Variants in ITCH observed in about 807,000 individuals in gnomAD.
ITCH encodes the protein E3 ubiquitin-protein ligase Itchy homolog.
ITCH carries 28 observed loss-of-function variants against 126.8 expected under a neutral mutation model. That is an observed-to-expected ratio of 0.22 (90% confidence interval 0.16 to 0.30). The LOEUF is 0.30. Among genes scored for constraint, ITCH ranks in the 10% least tolerant of loss-of-function variants. ITCH has a pLI of 1.00. For synonymous variants in ITCH, 342 were observed against 340.0 expected (o/e 1.01, Z -0.06); for missense variants, 631 against 1,032.4 (o/e 0.61, Z 5.33).
intron 11 of ITCH, 88 bp downstream of exon 11, chr20:34,445,549 GT>G: frequency 4.5e-6 from 6 of 1,338,752 alleles, no homozygotes; most frequent in Non-Finnish European, 6.4e-6. Flanking sequence ...TAAAAAGAAG[GT>G]GCAAGTAGCA....
Position 34,489,836 on chromosome 20 carries a change from A to C in ITCH, c.2229A>C (p.Gly743=). The change falls in exon 22 of 25, where the codon GGA becomes GGC. Residue 743 remains glycine (G), a synonymous_variant. Transcript: ENST00000374864. ...CATCCCTAAAGGTCCTTTTATGTGG[A>C]ATGCAAGAGATTGATTTGAATGACT... is the stretch of plus-strand genomic sequence containing the variant. ...DAKELEVLLC[G]MQEIDLNDWQ... 6.2e-7 allele frequency: 1 copy of C among 1,613,054 alleles called. No homozygotes were observed. Among genetic ancestry groups the C allele is most frequent in the Non-Finnish European group, 8.5e-7 (1 of 1,179,062 alleles).
At position 34,508,048 on chromosome 20, in the gene ITCH, T is replaced by C; in HGVS notation, c.*254T>C. On this transcript the variant is annotated 3_prime_UTR_variant, in exon 25 of 25. Coordinates refer to ENST00000374864, the MANE Select transcript of ITCH (RefSeq NM_031483.7). ...CACAACAATGAAATTTGCCTTGTCT[T>C]ATTCCACTAGTTTATTCCTTTAACA... is the stretch of plus-strand genomic sequence containing the variant. 1 of 448,368 alleles carries C rather than the reference T, an allele frequency of 2.2e-6. No homozygotes were observed. Among genetic ancestry groups the C allele is most frequent in the South Asian group, 2.1e-5 (1 of 47,258 alleles). 27.8% of individuals were successfully genotyped at this position (448,368 alleles called of 1,614,324 possible). A position where few individuals can be genotyped will look rare whatever the true frequency, so the allele number is the denominator to read the frequency against.
intron 23 of ITCH, among the ~76,000 whole-genome samples, chr20:34,502,740 T>G (rs1197060317): frequency 1.4e-5 from 2 of 146,286 alleles, no homozygotes; most frequent in Non-Finnish European, 3.0e-5. Flanking sequence ...GAGTAGAGGG[T>G]GGACATGATG....
intron 1 of ITCH, 95 bp from the exon 2 acceptor site, chr20:34,369,299 C>A: frequency 2.6e-6 from 1 of 388,540 alleles, no homozygotes; most frequent in Admixed American, 4.5e-5. Context: ...TGCCACTGCA[C>A]TCTAGCCTGG....
intron 6 of ITCH, chr20:34,417,267 T>G (rs1980024489): frequency 1.9e-6 from 1 of 528,784 alleles, no homozygotes; most frequent in Non-Finnish European, 3.4e-6. Context: ...TGGCTAATTT[T>G]GTATTTTTTA....
chr20:34,388,159 G>A (rs2038357845), intron 2 of ITCH, among the ~76,000 whole-genome samples: 1 of 150,474 alleles, frequency 6.6e-6, no homozygotes, highest in South Asian at 2.1e-4. Context: ...ATGCAGAGGT[G>A]CAGTCACGGT....
chr20:34,371,202 C>CTGGTAAAAT (rs2037615146), intron 2 of ITCH, among the ~76,000 whole-genome samples: 2 of 147,248 alleles, frequency 1.4e-5, no homozygotes, highest in South Asian at 2.1e-4. Flanking sequence ...TAGGAAGATA[C>CTGGTAAAAT]TGGTAAAATA....
At chr20:34,492,452 C>A in intron 22 of ITCH, 49 bp from the exon 23 acceptor site, 1 of 1,115,152 alleles carries the variant, frequency 9.0e-7, no homozygotes, top group Non-Finnish European at 1.4e-6. Context: ...GTTTAGTGTG[C>A]TGAATGTAAC....
At chr20:34,501,192 G>C (rs1212034491) in intron 23 of ITCH, among the ~76,000 whole-genome samples, 1 of 152,016 alleles carries the variant, frequency 6.6e-6, no homozygotes, top group East Asian at 1.9e-4. Context: ...CTTGACCTTG[G>C]GGATGGATCC....
chr20:34,404,620 A>G (rs2038993990), intron 3 of ITCH, among the ~76,000 whole-genome samples: 1 of 151,792 alleles, frequency 6.6e-6, no homozygotes, highest in Admixed American at 6.6e-5. Flanking sequence ...GGGTTTCACC[A>G]TGTTTGTCAA....
intron 1 of ITCH, among the ~76,000 whole-genome samples, chr20:34,368,646 A>G (rs2037507629): frequency 6.6e-6 from 1 of 152,212 alleles, no homozygotes; most frequent in Non-Finnish European, 1.5e-5. Context: ...GCAGTTAACC[A>G]GAAGCTGTTC....
chr20:34,409,217 G>C (rs1319940267), intron 4 of ITCH, among the ~76,000 whole-genome samples: 3 of 138,864 alleles, frequency 2.2e-5, no homozygotes, highest in East Asian at 4.2e-4. Flanking sequence ...TTTTGAGATA[G>C]AGCCTCACCC....
rs767898966 is a variant in ITCH at position 34,442,319 on chromosome 20, T to A, written c.965+16T>A. On this transcript the variant is annotated intron_variant, in intron 10 of 24. Transcript: ENST00000374864. ...TACCTCCTGGGTAAGTATCTAAATTTAAAAAGAATAATTTTATTTAGTCAG... is the reference window on the plus strand; with the variant it reads ...TACCTCCTGGGTAAGTATCTAAATTAAAAAAGAATAATTTTATTTAGTCAG... The A allele has an allele frequency of 2.6e-5, 39 of 1,504,256 alleles. 1 individual carries two copies. The highest frequency in any genetic ancestry group is 8.4e-5 in the Admixed American group (5 of 59,852). 93.2% of individuals were successfully genotyped at this position (1,504,256 alleles called of 1,614,324 possible).
intron 3 of ITCH, chr20:34,402,623 A>G: frequency 1.6e-6 from 1 of 607,450 alleles, no homozygotes; most frequent in Non-Finnish European, 3.1e-6. Context: ...GTTGGTACAT[A>G]TTCTGATGGA....
chr20:34,420,270 C>T (rs1015443717), intron 6 of ITCH, among the ~76,000 whole-genome samples: 34 of 152,180 alleles, frequency 2.2e-4, no homozygotes, highest in African/African-American at 7.5e-4. Flanking sequence ...GTGATAACTG[C>T]TAATCTGCTC....
chr20:34,461,701 T>TC, intron 13 of ITCH, among the ~76,000 whole-genome samples: 1 of 93,044 alleles, frequency 1.1e-5, no homozygotes, highest in Middle Eastern at 9.3e-3. Flanking sequence ...ACAGTGAGAC[T>TC]CCATCTATAA....
intron 16 of ITCH, chr20:34,476,591 C>T (rs1352097478): frequency 3.4e-6 from 2 of 585,450 alleles, no homozygotes; most frequent in East Asian, 5.1e-5. Context: ...TTGGCATAAA[C>T]GTACATATGT....
At chr20:34,457,873 C>A (rs1250329202) in intron 13 of ITCH, among the ~76,000 whole-genome samples, 1 of 151,978 alleles carries the variant, frequency 6.6e-6, no homozygotes, top group Non-Finnish European at 1.5e-5. Context: ...CACCTGAGCC[C>A]AGGAAGTCGA....
At chr20:34,402,159 C>A in intron 3 of ITCH, 1 of 1,189,228 alleles carries the variant, frequency 8.4e-7, no homozygotes, top group Non-Finnish European at 1.3e-6. Flanking sequence ...TAGCAGCACA[C>A]ATATGCAGCT....
Sources: allele counts gnomAD v4.1 joint callset (sites outside exome capture counted in the v4.1 genomes callset), GRCh38; gene constraint gnomAD v4.1.1; transcripts MANE v1.5; gene names NCBI Gene and HGNC (gene_info 2026-07-23, HGNC 2026-07-21).